The following NUP98 variants were observed in gnomAD, a reference collection of about 807,000 sequenced individuals.
NUP98 encodes nucleoporin 98 and 96 precursor.
A neutral mutation model predicts 191.9 loss-of-function variants in NUP98; 26 were observed. The ratio of observed to expected loss-of-function variants is 0.14; its 90% confidence interval spans 0.10 to 0.19. NUP98 has a LOEUF of 0.19. Among genes scored for constraint, NUP98 ranks in the 10% least tolerant of loss-of-function variants. The pLI is 1.00. For missense variants in NUP98, 1,941 were observed against 2,178.8 expected, an observed-to-expected ratio of 0.89 and a Z score of 2.17; for synonymous variants, 808 against 778.4, an observed-to-expected ratio of 1.04 and a Z score of -0.63.
At chr11:3,703,896 C>A (rs535003798) in intron 22 of NUP98, among the ~76,000 whole-genome samples, 20 of 152,172 alleles carry the variant, frequency 1.3e-4, no homozygotes, top group African/African-American at 3.9e-4. Context: ...CTATGTTGCC[C>A]AGGCTGCTCT....
intron 1 of NUP98, among the ~76,000 whole-genome samples, chr11:3,789,614 C>G (rs2082268386): frequency 1.4e-5 from 2 of 145,834 alleles, no homozygotes; most frequent in South Asian, 4.3e-4. Context: ...CTCCTGGGTT[C>G]AACTGATCCT....
At chr11:3,718,361 C>A (rs1342681266) in intron 18 of NUP98, among the ~76,000 whole-genome samples, 1 of 152,040 alleles carries the variant, frequency 6.6e-6, no homozygotes, top group Non-Finnish European at 1.5e-5. Flanking sequence ...CATGGCAAAA[C>A]CCTGTCTCTA....
chr11:3,681,907 T>C (rs1319443155), intron 30 of NUP98, among the ~76,000 whole-genome samples: 1 of 152,268 alleles, frequency 6.6e-6, no homozygotes, highest in East Asian at 1.9e-4. Context: ...CTTCTTTCAA[T>C]AGAAGGCAGT....
At chr11:3,755,637 T>C (rs1215442621) in intron 10 of NUP98, among the ~76,000 whole-genome samples, 1 of 152,060 alleles carries the variant, frequency 6.6e-6, no homozygotes, top group Non-Finnish European at 1.5e-5. Flanking sequence ...AATATAAAAG[T>C]TTAAAAACAA....
intron 6 of NUP98, among the ~76,000 whole-genome samples, chr11:3,773,053 C>T (rs1433927004): frequency 6.6e-6 from 1 of 151,996 alleles, no homozygotes; most frequent in East Asian, 1.9e-4. Context: ...ACTAAAAACA[C>T]CTTCATATGC....
chr11:3,726,543 CAA>C (rs1015553675), intron 14 of NUP98, among the ~76,000 whole-genome samples: 2 of 141,722 alleles, frequency 1.4e-5, no homozygotes, highest in Admixed American at 7.0e-5. Flanking sequence ...AAAAAAAAGA[CAA>C]GGGTATTTTT....
rs2082055784 is a variant in NUP98, at chr11:3,783,886, A to G, written c.-28-1741T>C. Among the ~76,000 whole-genome samples the G allele has an allele frequency of 2.6e-5, 4 of 151,044 alleles. No individual in the cohort carries two copies. The South Asian group carries it at 6.3e-4, about 24-fold the overall frequency. ...TGAAACACCCAAGAATGATCAATTA[A>G]AAAAAAATAAATAAAATAAAAATAA... On this transcript the variant is annotated intron_variant, in intron 1 of 32. Transcript: ENST00000324932.
intron 1 of NUP98, among the ~76,000 whole-genome samples, chr11:3,794,820 C>G (rs1206246136): frequency 1.3e-5 from 2 of 152,114 alleles, no homozygotes; most frequent in Non-Finnish European, 2.9e-5. Flanking sequence ...CCCCATGTTG[C>G]CCAGGCTAGT....
At position 3,731,392 on chromosome 11, in the gene NUP98, T is replaced by C. The variant is rs369707859; in HGVS notation, c.1729A>G (p.Lys577Glu). ...TTCTGTTAACAAAAATAAACTCACT[T>C]GGGCATGAATGCTCCATTGGCTAGG... is the stretch of plus-strand genomic sequence containing the variant. ...PSLANGAFMP[K>E]KSIKKLVLKN... Residue 577 changes from lysine (K) to glutamate (E), a missense_variant and splice_region_variant, in exon 14 of 33, where the codon AAG becomes GAG. By Grantham distance (56) the Lys-to-Glu change is moderately conservative (BLOSUM62 1). Coordinates refer to ENST00000324932, the MANE Select transcript of NUP98 (RefSeq NM_016320.5). 22 of 1,540,302 alleles carry C rather than the reference T, an allele frequency of 1.4e-5. No individual in the cohort carries two copies. The highest frequency in any genetic ancestry group is 1.9e-5 in the Non-Finnish European group (22 of 1,142,330).
At chr11:3,792,678 T>C (rs906297334) in intron 1 of NUP98, among the ~76,000 whole-genome samples, 1 of 152,034 alleles carries the variant, frequency 6.6e-6, no homozygotes, top group African/African-American at 2.4e-5. Context: ...AGTAAATCAA[T>C]AATTTCAAAA....
At chr11:3,706,654 G>A in intron 20 of NUP98, 27 bp from the exon 21 acceptor site, 1 of 1,598,848 alleles carries the variant, frequency 6.3e-7, no homozygotes, top group Non-Finnish European at 8.6e-7. Context: ...GATCAGGAAA[G>A]CAGCATTAAA....
At position 3,779,021 on chromosome 11, in the gene NUP98, G is replaced by A. The variant is rs371498196; in HGVS notation, c.207C>T (p.Ser69=). Residue 69 remains serine (S), a synonymous_variant, in exon 4 of 33, where the codon AGC becomes AGT. Transcript: ENST00000324932. ...PGGLFGTSSF[S]QPATSTSTGF... is the part of the protein sequence containing the mutation. ...CAGTGCTTGTGGAGGTAGCTGGCTG[G>A]CTAAATGAACTGGTTCCAAACAATC... The A allele has an allele frequency of 6.2e-7, 1 of 1,614,216 alleles. No individual in the cohort carries two copies. Among genetic ancestry groups the A allele is most frequent in the Non-Finnish European group, 8.5e-7 (1 of 1,180,038 alleles).
chr11:3,697,820 T>TAAAAAAA (rs199874258), intron 25 of NUP98, among the ~76,000 whole-genome samples: 3 of 97,154 alleles, frequency 3.1e-5, no homozygotes, highest in Non-Finnish European at 3.9e-5. Context: ...GACTCTGTCT[T>TAAAAAAA]AAAAAAAAAA....
chr11:3,792,446 A>G (rs2082387745), intron 1 of NUP98, among the ~76,000 whole-genome samples: 1 of 152,038 alleles, frequency 6.6e-6, no homozygotes, highest in African/African-American at 2.4e-5. Flanking sequence ...CCCCGTCTCT[A>G]CAAAAAATAC....
Position 3,702,452 on chromosome 11 carries a change from A to G in NUP98, c.3512+11T>C, listed in dbSNP as rs1465715511. ...TGCCTTTCTCAAAAAGCATCAAGAAATGTGACTCACGGTTTAACAGCTACT... is the reference window on the plus strand; with the variant it reads ...TGCCTTTCTCAAAAAGCATCAAGAAGTGTGACTCACGGTTTAACAGCTACT... On this transcript the variant is annotated intron_variant, in intron 23 of 32. Coordinates refer to ENST00000324932, the MANE Select transcript of NUP98 (RefSeq NM_016320.5). 4 of 1,608,234 alleles carry G rather than the reference A, an allele frequency of 2.5e-6. No individual in the cohort carries two copies. The highest frequency in any genetic ancestry group is 1.3e-5 in the African/African-American group (1 of 74,718).
chr11:3,761,855 A>G (rs1291218984), intron 9 of NUP98, among the ~76,000 whole-genome samples: 1 of 152,092 alleles, frequency 6.6e-6, no homozygotes, highest in African/African-American at 2.4e-5. Context: ...GAGGCACGAG[A>G]ATCGCTTGAG....
chr11:3,791,398 G>C (rs2082342878), intron 1 of NUP98, among the ~76,000 whole-genome samples: 1 of 151,620 alleles, frequency 6.6e-6, no homozygotes, highest in African/African-American at 2.4e-5. Flanking sequence ...GCCAGGCATG[G>C]TGGTGGACGC....
At chr11:3,678,687 G>A (rs951924177) in intron 31 of NUP98, among the ~76,000 whole-genome samples, 21 of 152,152 alleles carry the variant, frequency 1.4e-4, no homozygotes, top group African/African-American at 4.1e-4. Context: ...AGGCTGGAAC[G>A]TGGAATAAGA....
chr11:3,795,747 A>G (rs1430060693), intron 1 of NUP98, among the ~76,000 whole-genome samples: 1 of 152,242 alleles, frequency 6.6e-6, no homozygotes, highest in Non-Finnish European at 1.5e-5. Context: ...GGAAGCTTGC[A>G]GAGAAGAGAA....
Sources: allele counts gnomAD v4.1 joint callset (sites outside exome capture counted in the v4.1 genomes callset), GRCh38; gene constraint gnomAD v4.1.1; transcripts MANE v1.5; gene names NCBI Gene and HGNC (gene_info 2026-07-23, HGNC 2026-07-21).